Variants in CCT3 observed in about 807,000 individuals in gnomAD.
CCT3 encodes T-complex protein 1 subunit gamma.
A neutral mutation model predicts 65.3 loss-of-function variants in CCT3; 10 were observed. That is an observed-to-expected ratio of 0.15 (90% CI 0.09 to 0.26). CCT3 has a LOEUF of 0.26. CCT3 is among the 10% of genes least tolerant of loss of function. CCT3 has a pLI of 1.00. For missense variants in CCT3, 626 were observed against 708.7 expected, an observed-to-expected ratio of 0.88 and a Z score of 1.33; for synonymous variants, 225 against 242.3, an observed-to-expected ratio of 0.93 and a Z score of 0.66.
At chr1:156,327,463 G>A (rs1026266353) in intron 5 of CCT3, among the ~76,000 whole-genome samples, 18 of 151,874 alleles carry the variant, frequency 1.2e-4, no homozygotes, top group African/African-American at 4.1e-4. Flanking sequence ...ACTGGTTTTC[G>A]TATTTTTTTG....
At chr1:156,326,515 T>C (rs1295978638) in intron 5 of CCT3, among the ~76,000 whole-genome samples, 4 of 151,618 alleles carry the variant, frequency 2.6e-5, no homozygotes, top group African/African-American at 7.3e-5. Context: ...CCAGGCATGA[T>C]GGCACATGCC....
chr1:156,310,345 T>C lies in CCT3; in HGVS notation c.1533+213A>G, dbSNP rs145728345. Among the ~76,000 whole-genome samples, 961 of 151,890 alleles carry C rather than the reference T, an allele frequency of 6.3e-3. 8 individuals carry two copies. The highest frequency in any genetic ancestry group is 0.011 in the Non-Finnish European group (780 of 67,948). Reference sequence around the variant, plus strand: ...CTATCTCTACTAAAAAATACAAAAATTAGCTGGGAGTGGTGGTGCATGCCT... The same window carrying C: ...CTATCTCTACTAAAAAATACAAAAACTAGCTGGGAGTGGTGGTGCATGCCT... On this transcript the variant is annotated intron_variant, in intron 13 of 13. Transcript: ENST00000295688.
chr1:156,317,640 G>T, intron 8 of CCT3, 93 bp from the exon 9 acceptor site: 2 of 1,152,540 alleles, frequency 1.7e-6, no homozygotes, highest in South Asian at 1.6e-5. Context: ...CCTCTCCCAC[G>T]TATCTCAGAG....
intron 5 of CCT3, among the ~76,000 whole-genome samples, chr1:156,325,920 C>A (rs1223643909): frequency 6.6e-6 from 1 of 152,030 alleles, no homozygotes; most frequent in Non-Finnish European, 1.5e-5. Context: ...TCCCTGAAGG[C>A]TCTAAAATAA....
chr1:156,310,138 A>G (rs548118262), intron 13 of CCT3, among the ~76,000 whole-genome samples: 24 of 152,148 alleles, frequency 1.6e-4, no homozygotes, highest in African/African-American at 5.5e-4. Context: ...AAGATAATTA[A>G]AGAGATAGAA....
At chr1:156,323,227 AC>A (rs1201373768) in intron 6 of CCT3, among the ~76,000 whole-genome samples, 1 of 150,592 alleles carries the variant, frequency 6.6e-6, no homozygotes, top group Non-Finnish European at 1.5e-5. Flanking sequence ...AATCACTTGA[AC>A]CTGGGAGGTG....
intron 7 of CCT3, 76 bp downstream of exon 7, chr1:156,320,763 C>G (rs891042067): frequency 1.9e-6 from 2 of 1,074,500 alleles, no homozygotes; most frequent in Non-Finnish European, 1.4e-6. Context: ...GCATGAAAAA[C>G]AGACTATTTC....
At chr1:156,314,104 A>G (rs12036837) in intron 10 of CCT3, among the ~76,000 whole-genome samples, 1 of 136,740 alleles carries the variant, frequency 7.3e-6, no homozygotes, top group Non-Finnish European at 1.6e-5. Flanking sequence ...AAAAAAAAAA[A>G]GTCAACATTA....
At chr1:156,337,266 T>C in intron 1 of CCT3, 1 of 336,408 alleles carries the variant, frequency 3.0e-6, no homozygotes, top group Non-Finnish European at 5.7e-6. Context: ...AAATTAGCCG[T>C]GCGTGGTGGC....
At chr1:156,317,376 T>C (rs377548188) in intron 9 of CCT3, 39 bp downstream of exon 9, 253 of 1,602,718 alleles carry the variant, frequency 1.6e-4, no homozygotes, top group Admixed American at 2.7e-4. Context: ...CACCCTCGTC[T>C]ACCTCAAAGG....
At chr1:156,324,638 A>AT (rs1244891453) in intron 6 of CCT3, among the ~76,000 whole-genome samples, 26 of 151,338 alleles carry the variant, frequency 1.7e-4, no homozygotes, top group African/African-American at 6.1e-4. Context: ...TACCCAGCTG[A>AT]TTTTTTTTGA....
chr1:156,316,370 G>C (rs1400662429), intron 10 of CCT3, among the ~76,000 whole-genome samples: 2 of 152,162 alleles, frequency 1.3e-5, no homozygotes, highest in Non-Finnish European at 2.9e-5. Flanking sequence ...TGGATATCAA[G>C]GGATGACTGC....
rs1665202723 is a variant in CCT3 at position 156,333,534 on chromosome 1, A to T, written c.304+13T>A. 4 of 1,600,492 alleles carry T rather than the reference A, an allele frequency of 2.5e-6. No individual in the cohort carries two copies. The highest frequency in any genetic ancestry group is 3.3e-5 in the Admixed American group (2 of 59,888). On this transcript the variant is annotated intron_variant, in intron 5 of 13. Coordinates refer to ENST00000295688, the MANE Select transcript of CCT3 (RefSeq NM_005998.5). ...TCTAATTTTTCCTTATCAACCTCTT[A>T]TTCTCCTCTTACCAAGAATAATTAC...
At chr1:156,311,865 A>G (rs1447064127) in intron 11 of CCT3, among the ~76,000 whole-genome samples, 176 bp downstream of exon 11, 2 of 152,136 alleles carry the variant, frequency 1.3e-5, no homozygotes, top group African/African-American at 4.8e-5. Context: ...TGCTTACTAC[A>G]ATTTTTAAAA....
At chr1:156,333,233 C>G (rs1463696651) in intron 5 of CCT3, 1 of 273,974 alleles carries the variant, frequency 3.6e-6, no homozygotes, top group African/African-American at 2.4e-5. Context: ...GCAGAGGTTG[C>G]AGTGAGCCAA....
chr1:156,319,809 A>G (rs913544370), intron 7 of CCT3, among the ~76,000 whole-genome samples: 2 of 152,238 alleles, frequency 1.3e-5, no homozygotes, highest in African/African-American at 4.8e-5. Flanking sequence ...CACAAGCTAT[A>G]CTACTAAACT....
At position 156,312,060 on chromosome 1, in the gene CCT3, G is replaced by T; in HGVS notation, c.1136C>A (p.Ala379Asp). Reference protein sequence around the residue: ...PKACTILLRGASKEILSEVER... With the variant: ...PKACTILLRGDSKEILSEVER... The stretch of plus-strand genomic sequence containing the variant: ...ACTCACCGAGAGAATCTCTTTGCTA[G>T]CCCCCCGGAGGAGAATGGTGCAGGC... Residue 379 changes from alanine to aspartate, a missense_variant, in exon 11 of 14, where the codon GCT becomes GAT. Ala to Asp is a moderately radical substitution (Grantham distance 126). Transcript: ENST00000295688. The T allele has an allele frequency of 6.2e-7, 1 of 1,610,044 alleles. No individual in the cohort carries two copies. The highest frequency in any genetic ancestry group is 8.5e-7 in the Non-Finnish European group (1 of 1,178,168).
intron 4 of CCT3, among the ~76,000 whole-genome samples, chr1:156,334,235 G>A (rs1404638190): frequency 3.8e-5 from 4 of 104,332 alleles, no homozygotes; most frequent in South Asian, 3.2e-4. Context: ...GCGAGACTCC[G>A]TCTCAAAAAA....
chr1:156,331,332 A>T (rs969656636), intron 5 of CCT3, among the ~76,000 whole-genome samples: 4 of 95,708 alleles, frequency 4.2e-5, no homozygotes, highest in Admixed American at 2.8e-4. Flanking sequence ...CGAAAAATAA[A>T]TAATAATAAT....
Sources: allele counts gnomAD v4.1 joint callset (sites outside exome capture counted in the v4.1 genomes callset), GRCh38; gene constraint gnomAD v4.1.1; transcripts MANE v1.5; gene names NCBI Gene and HGNC (gene_info 2026-07-23, HGNC 2026-07-21).